The following STPG2 variants were observed in gnomAD, a reference collection of about 807,000 sequenced individuals.
STPG2 encodes the protein sperm tail PG-rich repeat containing 2, also known as sperm-tail PG-rich repeat-containing protein 2.
In STPG2, 56 loss-of-function variants were observed where a neutral mutation model predicts 54.2. That is an observed-to-expected ratio of 1.03 (90% confidence interval 0.83 to 1.29). The LOEUF is 1.29. Ranked by LOEUF, STPG2 falls within the 50% of genes most tolerant of loss-of-function variation. STPG2 has a pLI of 0.00. For missense variants in STPG2, 596 were observed against 544.9 expected, an observed-to-expected ratio of 1.09 and a Z score of -0.93; for synonymous variants, 200 against 181.8, an observed-to-expected ratio of 1.10 and a Z score of -0.81.
chr4:97,609,406 C>T (rs1733679021), intron 10 of STPG2, among the ~76,000 whole-genome samples: 1 of 151,982 alleles, frequency 6.6e-6, no homozygotes, highest in South Asian at 2.1e-4. Flanking sequence ...GATTGTAGTT[C>T]TCTGACCAAG....
intron 8 of STPG2, among the ~76,000 whole-genome samples, chr4:97,863,390 A>C (rs1729636199): frequency 6.6e-6 from 1 of 152,190 alleles, no homozygotes; most frequent in African/African-American, 2.4e-5. Context: ...TCCCAAGACT[A>C]AGCCAGGAAG....
intron 7 of STPG2, among the ~76,000 whole-genome samples, chr4:97,961,431 G>A (rs1436303746): frequency 6.6e-6 from 1 of 152,142 alleles, no homozygotes; most frequent in Non-Finnish European, 1.5e-5. Context: ...AACCCATAGA[G>A]TGGGAGAAAA....
chr4:97,914,804 A>T (rs1363321099), intron 8 of STPG2, among the ~76,000 whole-genome samples: 1 of 152,228 alleles, frequency 6.6e-6, no homozygotes, highest in East Asian at 1.9e-4. Flanking sequence ...GCATTCAAAA[A>T]GTTTCAGATT....
At chr4:97,534,001 T>C (rs1731473061) in intron 4 of STPG2, among the ~76,000 whole-genome samples, 1 of 152,098 alleles carries the variant, frequency 6.6e-6, no homozygotes. Context: ...TCCAAAGAGG[T>C]TGAACTATTT....
At chr4:97,998,637 GT>G (rs1333034852) in intron 5 of STPG2, among the ~76,000 whole-genome samples, 1 of 152,182 alleles carries the variant, frequency 6.6e-6, no homozygotes, top group Admixed American at 6.5e-5. Context: ...TAATATTATT[GT>G]TTTGTAAGTA....
At chr4:98,117,411 A>G (rs999613774) in intron 3 of STPG2, among the ~76,000 whole-genome samples, 5 of 151,852 alleles carry the variant, frequency 3.3e-5, no homozygotes, top group African/African-American at 1.2e-4. Flanking sequence ...ATCTCTTTGC[A>G]TTAATCTTAC....
chr4:97,739,725 G>C (rs1011077568), intron 9 of STPG2, among the ~76,000 whole-genome samples: 66 of 152,280 alleles, frequency 4.3e-4, no homozygotes, highest in African/African-American at 1.6e-3. Context: ...ATAATCAGTA[G>C]TTTACCAACC....
intron 7 of STPG2, among the ~76,000 whole-genome samples, chr4:97,959,972 A>G (rs909050859): frequency 6.6e-6 from 1 of 152,206 alleles, no homozygotes; most frequent in African/African-American, 2.4e-5. Flanking sequence ...CACTGAATCC[A>G]AAGACACATC....
chr4:97,533,428 T>C (rs1021679178), intron 4 of STPG2, among the ~76,000 whole-genome samples: 2 of 152,082 alleles, frequency 1.3e-5, no homozygotes, highest in African/African-American at 4.8e-5. Flanking sequence ...CTTAATTCAT[T>C]TTATTAAAGT....
intron 5 of STPG2, chr4:98,026,230 C>G (rs1294633646): frequency 2.8e-6 from 3 of 1,057,594 alleles, no homozygotes; most frequent in Non-Finnish European, 2.9e-6. Flanking sequence ...AGAAAGCAAG[C>G]CCCCTCAAGA....
chr4:97,734,361 T>C (rs1724902218), intron 9 of STPG2, among the ~76,000 whole-genome samples: 1 of 152,194 alleles, frequency 6.6e-6, no homozygotes, highest in Non-Finnish European at 1.5e-5. Flanking sequence ...CACTATTTTG[T>C]CACTCAGGTA....
chr4:97,888,395 C>T (rs1730657259), intron 8 of STPG2, among the ~76,000 whole-genome samples: 1 of 152,186 alleles, frequency 6.6e-6, no homozygotes, highest in Non-Finnish European at 1.5e-5. Flanking sequence ...GGAGCAGACC[C>T]CTTGCACCAG....
Position 97,624,734 on chromosome 4 carries a change from T to C in STPG2, c.1321-65617A>G, listed in dbSNP as rs143043942. On this transcript the variant is annotated intron_variant, in intron 10 of 10. Transcript: ENST00000295268. ...GAATGGTATTGCTGAAATTGTCTTC[T>C]AGGGCTTTTATAGTTTTGGATGTTC... Among the ~76,000 whole-genome samples the C allele has an allele frequency of 1.2e-4, 18 of 152,326 alleles. No individual in the cohort carries two copies. The East Asian group carries it at 3.5e-3, about 29-fold the overall frequency.
chr4:97,887,324 G>C (rs1457706790), intron 8 of STPG2, among the ~76,000 whole-genome samples: 6 of 152,162 alleles, frequency 3.9e-5, no homozygotes, highest in Non-Finnish European at 7.4e-5. Context: ...CCAAAATGCT[G>C]GTAGTGAAAT....
chr4:97,929,425 G>C (rs1319023022), intron 8 of STPG2, among the ~76,000 whole-genome samples: 1 of 152,090 alleles, frequency 6.6e-6, no homozygotes, highest in Non-Finnish European at 1.5e-5. Flanking sequence ...TGGGATTTCT[G>C]TTTTTAGATC....
At chr4:97,637,492 G>A (rs1428033596) in intron 10 of STPG2, among the ~76,000 whole-genome samples, 7 of 152,108 alleles carry the variant, frequency 4.6e-5, no homozygotes, top group Non-Finnish European at 4.4e-5. Flanking sequence ...GTTCTGGCCA[G>A]GGCAATTAGG....
intron 8 of STPG2, among the ~76,000 whole-genome samples, chr4:97,849,176 T>C (rs1669760742): frequency 6.7e-6 from 1 of 149,028 alleles, no homozygotes; most frequent in Admixed American, 6.7e-5. Flanking sequence ...TTTATTTCCT[T>C]GAGCAGTGGT....
chr4:97,569,685 C>A (rs1732550019), intron 10 of STPG2, among the ~76,000 whole-genome samples: 2 of 151,946 alleles, frequency 1.3e-5, no homozygotes, highest in Non-Finnish European at 2.9e-5. Context: ...AAATTAGTGG[C>A]AGGGTTGGAA....
At chr4:97,558,824 A>T, downstream of STPG2, 1 of 458,992 alleles carries the variant, frequency 2.2e-6, no homozygotes, top group Non-Finnish European at 3.9e-6. Context: ...GTTGGGGTTA[A>T]CTGTTAAGCA....
Sources: gnomAD v4.1 joint callset for allele counts (sites outside exome capture counted in the v4.1 genomes callset) on GRCh38, gnomAD v4.1.1 for gene constraint, MANE v1.5 for transcripts, NCBI Gene and HGNC (gene_info 2026-07-23, HGNC 2026-07-21) for gene names.